The following EPM2A variants were observed in gnomAD, a reference collection of about 807,000 sequenced individuals.
EPM2A encodes the protein laforin.
Under a neutral mutation model 26.5 loss-of-function variants are expected in EPM2A, and 21 were observed. The ratio of observed to expected loss-of-function variants is 0.79; its 90% confidence interval spans 0.56 to 1.14. The LOEUF (loss-of-function observed/expected upper bound fraction) is 1.14, where lower values mean the gene tolerates loss of function less well. EPM2A is among the 50% of genes most tolerant of loss of function. The pLI, the probability that EPM2A is intolerant of heterozygous loss-of-function variation, is 0.00. For missense variants in EPM2A, 458 were observed against 440.8 expected (o/e 1.04, Z -0.35); for synonymous variants, 217 against 177.6 (o/e 1.22, Z -1.76).
At chr6:145,592,241 A>T (rs367650026) in intron 2 of EPM2A, among the ~76,000 whole-genome samples, 17 of 139,576 alleles carry the variant, frequency 1.2e-4, no homozygotes, top group African/African-American at 4.6e-4. Context: ...ATTCCCACCT[A>T]TGAGTGAGAA....
intron 2 of EPM2A, among the ~76,000 whole-genome samples, chr6:145,581,791 A>G (rs1276906751): frequency 2.0e-5 from 3 of 152,202 alleles, no homozygotes; most frequent in Admixed American, 6.5e-5. Flanking sequence ...CAAAAATCAG[A>G]TGGTCATAGA....
chr6:145,641,084 A>G (rs1159795924), intron 2 of EPM2A: 1 of 152,242 alleles, frequency 6.6e-6, no homozygotes, highest in Non-Finnish European at 1.5e-5. Flanking sequence ...TTAGAGCCAT[A>G]TGAAAGCAAA....
rs1297952217 is a variant in EPM2A, at chr6:145,602,939, C to A, written c.340+32306G>T. Among the ~76,000 whole-genome samples the A allele has an allele frequency of 2.0e-5, 3 of 152,172 alleles. No homozygotes were observed. In the East Asian group the frequency reaches 5.8e-4, roughly 29 times the overall value. On this transcript the variant is annotated intron_variant, in intron 2 of 3. Coordinates refer to the EPM2A transcript ENST00000450221. Reference sequence around the variant, plus strand: ...GGAATCCACGCAAGTCAGCATAAGCCTCAGTAGCTTCATGGAAATCCTGCC... The same window carrying A: ...GGAATCCACGCAAGTCAGCATAAGCATCAGTAGCTTCATGGAAATCCTGCC...
At position 145,529,390 on chromosome 6, in the gene EPM2A, A is replaced by G. The variant is rs570854333; in HGVS notation, c.341-26815T>C. ...TATTGTCTTATTTTAAGAAATTTCC[A>G]TAGCCCCTCCCACCTTCAGCAATCA... On this transcript the variant is annotated intron_variant, in intron 2 of 3. Transcript: ENST00000450221. Among the ~76,000 whole-genome samples the G allele has an allele frequency of 6.6e-5, 10 of 152,294 alleles. No individual in the cohort carries two copies. The South Asian group carries it at 1.9e-3, about 28-fold the overall frequency.
At chr6:145,480,319 A>AG (rs1231414113) in intron 4 of EPM2A, among the ~76,000 whole-genome samples, 2 of 151,984 alleles carry the variant, frequency 1.3e-5, no homozygotes, top group African/African-American at 4.8e-5. Context: ...AAGAGAGGGA[A>AG]GGGGGAAGTG....
intron 1 of EPM2A, among the ~76,000 whole-genome samples, chr6:145,731,519 AC>A (rs1776483990): frequency 6.6e-6 from 1 of 152,226 alleles, no homozygotes; most frequent in South Asian, 2.1e-4. Context: ...TAATGAGAAC[AC>A]AGGAAAACAA....
downstream of EPM2A, among the ~76,000 whole-genome samples, chr6:145,498,986 C>G (rs910967954): frequency 1.3e-5 from 2 of 152,188 alleles, no homozygotes; most frequent in African/African-American, 4.8e-5. Flanking sequence ...AAACTCCAAT[C>G]TTTTCTTAGA....
intron 1 of EPM2A, among the ~76,000 whole-genome samples, chr6:145,723,097 GATT>G (rs899612060): frequency 5.9e-5 from 9 of 152,084 alleles, no homozygotes; most frequent in Non-Finnish European, 1.2e-4. Context: ...AATTATAATA[GATT>G]ATTTAAGGAT....
At chr6:145,719,166 T>C (rs1280447929) in intron 1 of EPM2A, among the ~76,000 whole-genome samples, 2 of 151,476 alleles carry the variant, frequency 1.3e-5, no homozygotes, top group Non-Finnish European at 2.9e-5. Flanking sequence ...TAAAGACACA[T>C]GCACACGTAT....
At chr6:145,673,177 A>G (rs370896997) in intron 2 of EPM2A, among the ~76,000 whole-genome samples, 4 of 152,218 alleles carry the variant, frequency 2.6e-5, no homozygotes, top group African/African-American at 7.2e-5. Context: ...TAATCTAACC[A>G]TGATAAAAAC....
intron 2 of EPM2A, among the ~76,000 whole-genome samples, chr6:145,525,610 G>T (rs577983468): frequency 2.6e-5 from 4 of 152,034 alleles, no homozygotes; most frequent in Non-Finnish European, 4.4e-5. Flanking sequence ...CACTATTGGC[G>T]TATAGAAATG....
chr6:145,576,686 A>G (rs1781036355), intron 2 of EPM2A, among the ~76,000 whole-genome samples: 1 of 152,216 alleles, frequency 6.6e-6, no homozygotes, highest in Non-Finnish European at 1.5e-5. Context: ...GTGTGCAACA[A>G]TAAATCATCT....
chr6:145,546,047 T>C (rs749015848), intron 2 of EPM2A, among the ~76,000 whole-genome samples: 2 of 152,270 alleles, frequency 1.3e-5, no homozygotes, highest in Non-Finnish European at 1.5e-5. Flanking sequence ...TGTAGATGTA[T>C]ATGAGAGGAT....
chr6:145,679,691 C>T (rs1004245239), intron 2 of EPM2A, among the ~76,000 whole-genome samples: 2 of 152,028 alleles, frequency 1.3e-5, no homozygotes, highest in African/African-American at 2.4e-5. Flanking sequence ...GAATTTCACA[C>T]TATTGGAAAT....
chr6:145,423,771 AG>A, intron 4 of EPM2A, among the ~76,000 whole-genome samples: 1 of 152,310 alleles, frequency 6.6e-6, no homozygotes, highest in African/African-American at 2.4e-5. Flanking sequence ...CTGTTTGGCA[AG>A]GAAGAGCTCC....
At chr6:145,404,480 G>A (rs1203078285) in intron 4 of EPM2A, among the ~76,000 whole-genome samples, 1 of 151,700 alleles carries the variant, frequency 6.6e-6, no homozygotes, top group Non-Finnish European at 1.5e-5. Flanking sequence ...TCAGAATAAG[G>A]GCATATACCC....
At chr6:145,568,385 T>C (rs578008079) in intron 2 of EPM2A, among the ~76,000 whole-genome samples, 3 of 151,562 alleles carry the variant, frequency 2.0e-5, no homozygotes, top group Non-Finnish European at 2.9e-5. Flanking sequence ...AGTGGCATGA[T>C]CTCTGCTCAC....
At chr6:145,502,924 A>C (rs546075094) in intron 2 of EPM2A, among the ~76,000 whole-genome samples, 39 of 152,222 alleles carry the variant, frequency 2.6e-4, no homozygotes, top group Non-Finnish European at 4.6e-4. Context: ...ATACATATTA[A>C]GATTATTTTG....
chr6:145,689,302 T>C (rs1349449168), intron 1 of EPM2A, among the ~76,000 whole-genome samples: 3 of 152,196 alleles, frequency 2.0e-5, no homozygotes, highest in Non-Finnish European at 4.4e-5. Context: ...CAAAAATGAA[T>C]AGTAAAATAA....
Sources: allele counts gnomAD v4.1 joint callset (sites outside exome capture counted in the v4.1 genomes callset), GRCh38; gene constraint gnomAD v4.1.1; transcripts MANE v1.5; gene names NCBI Gene and HGNC (gene_info 2026-07-23, HGNC 2026-07-21).